TRPC7: variants seen among roughly 807,000 people sequenced by gnomAD.
TRPC7 encodes the protein transient receptor potential cation channel subfamily C member 7, also known as short transient receptor potential channel 7.
TRPC7 carries 42 observed loss-of-function variants against 90.1 expected under a neutral mutation model. The observed-to-expected ratio is 0.47, with a 90% CI of 0.36 to 0.60. TRPC7 has a LOEUF of 0.60. Among genes scored for constraint, TRPC7 ranks in the 20% least tolerant of loss-of-function variants. TRPC7 has a pLI of 0.00. For missense variants in TRPC7, 955 were observed against 1,112.3 expected, an observed-to-expected ratio of 0.86 and a Z score of 2.01; for synonymous variants, 451 against 436.3, an observed-to-expected ratio of 1.03 and a Z score of -0.42.
intron 2 of TRPC7, among the ~76,000 whole-genome samples, chr5:136,342,219 A>AGC (rs1408374462): frequency 2.6e-5 from 4 of 152,198 alleles, no homozygotes; most frequent in African/African-American, 4.8e-5. Context: ...TGGGTCCTGC[A>AGC]TGGTCCCCCC....
chr5:136,305,225 T>C (rs2149833928), intron 3 of TRPC7, among the ~76,000 whole-genome samples: 1 of 152,282 alleles, frequency 6.6e-6, no homozygotes, highest in South Asian at 2.1e-4. Flanking sequence ...CTGATCCACC[T>C]GATATTCACC....
intron 3 of TRPC7, among the ~76,000 whole-genome samples, chr5:136,302,981 G>A (rs942815907): frequency 4.6e-5 from 7 of 151,844 alleles, no homozygotes; most frequent in South Asian, 2.1e-4. Context: ...TAGCCAGGCC[G>A]AGCTAGGTCC....
intron 4 of TRPC7, among the ~76,000 whole-genome samples, chr5:136,268,632 C>T (rs1450315218): frequency 2.0e-5 from 3 of 152,108 alleles, no homozygotes; most frequent in East Asian, 1.9e-4. Flanking sequence ...ATTTAATATT[C>T]GTTTTGTTAC....
chr5:136,236,280 T>C (rs1314694279), intron 7 of TRPC7, among the ~76,000 whole-genome samples: 2 of 152,196 alleles, frequency 1.3e-5, no homozygotes, highest in African/African-American at 2.4e-5. Context: ...CTTCCCAGCA[T>C]ACGTACAGCC....
chr5:136,345,101 A>G (rs1759963841), intron 2 of TRPC7, among the ~76,000 whole-genome samples: 1 of 152,218 alleles, frequency 6.6e-6, no homozygotes, highest in African/African-American at 2.4e-5. Context: ...TACATTAAAT[A>G]TATCAAAAAG....
At chr5:136,306,773 C>G (rs1343903751) in intron 3 of TRPC7, among the ~76,000 whole-genome samples, 2 of 151,890 alleles carry the variant, frequency 1.3e-5, no homozygotes, top group Non-Finnish European at 2.9e-5. Flanking sequence ...TTTGTAATCT[C>G]CCCCACCCTT....
At chr5:136,266,714 G>T (rs1331319020) in intron 4 of TRPC7, among the ~76,000 whole-genome samples, 3 of 152,128 alleles carry the variant, frequency 2.0e-5, no homozygotes, top group African/African-American at 7.2e-5. Context: ...ACATCTGATT[G>T]CACTGATACC....
intron 2 of TRPC7, among the ~76,000 whole-genome samples, chr5:136,334,784 C>T (rs920940417): frequency 6.6e-6 from 1 of 152,184 alleles, no homozygotes; most frequent in Non-Finnish European, 1.5e-5. Flanking sequence ...TACTCTGAGT[C>T]AAGTATCTTA....
At chr5:136,339,151 T>G (rs994553360) in intron 2 of TRPC7, among the ~76,000 whole-genome samples, 4 of 152,226 alleles carry the variant, frequency 2.6e-5, no homozygotes, top group Non-Finnish European at 5.9e-5. Flanking sequence ...ATGTTTCTAT[T>G]ATGTTCCATC....
At chr5:136,337,920 C>A (rs1759716532) in intron 2 of TRPC7, among the ~76,000 whole-genome samples, 1 of 152,044 alleles carries the variant, frequency 6.6e-6, no homozygotes, top group Non-Finnish European at 1.5e-5. Context: ...AGACCTAATC[C>A]CCATCATGCA....
chr5:136,220,996 T>A (rs1161040511), intron 10 of TRPC7, among the ~76,000 whole-genome samples: 1 of 150,030 alleles, frequency 6.7e-6, no homozygotes, highest in Non-Finnish European at 1.5e-5. Context: ...CTATTTCTAT[T>A]CTAGAAATAG....
At chr5:136,217,540 C>T (rs554939212) in intron 10 of TRPC7, among the ~76,000 whole-genome samples, 1 of 152,266 alleles carries the variant, frequency 6.6e-6, no homozygotes, top group African/African-American at 2.4e-5. Context: ...GCTCATGGGC[C>T]AACTGGCTGT....
chr5:136,281,907 A>G (rs1465044847), intron 3 of TRPC7, among the ~76,000 whole-genome samples: 2 of 152,224 alleles, frequency 1.3e-5, no homozygotes, highest in African/African-American at 4.8e-5. Context: ...ATCATGCATC[A>G]AATTTTTAAT....
chr5:136,324,801 A>G (rs1255565118), intron 2 of TRPC7, among the ~76,000 whole-genome samples: 1 of 152,254 alleles, frequency 6.6e-6, no homozygotes. Flanking sequence ...ATCGGTCAAA[A>G]GTTAAATGAA....
At position 136,320,210 on chromosome 5, in the gene TRPC7, C is replaced by G. The variant is rs181026709; in HGVS notation, c.781-4431G>C. On this transcript the variant is annotated intron_variant, in intron 2 of 11. Transcript: ENST00000513104. ...TTGATTGCTACCTTCCTTTCATAAC[C>G]CACATATAATTTGGTAGCAAATCCT... Among the ~76,000 whole-genome samples the G allele has an allele frequency of 1.4e-3, 219 of 152,252 alleles. 2 individuals carry two copies. Among genetic ancestry groups the G allele is most frequent in the Middle Eastern group, 3.4e-3 (1 of 294 alleles).
At chr5:136,237,347 A>AC (rs923449927) in intron 7 of TRPC7, among the ~76,000 whole-genome samples, 35 of 152,276 alleles carry the variant, frequency 2.3e-4, no homozygotes, top group African/African-American at 8.4e-4. Flanking sequence ...GTTTCACTGT[A>AC]CCCCATGCAG....
At chr5:136,339,404 C>G (rs532840057) in intron 2 of TRPC7, among the ~76,000 whole-genome samples, 57 of 152,284 alleles carry the variant, frequency 3.7e-4, no homozygotes, top group Admixed American at 5.9e-4. Flanking sequence ...TAAATTCTAA[C>G]CAGTCATTGT....
intron 1 of TRPC7, among the ~76,000 whole-genome samples, chr5:136,363,915 T>A (rs1760644419): frequency 6.6e-6 from 1 of 152,198 alleles, no homozygotes; most frequent in African/African-American, 2.4e-5. Context: ...TAGCTCCAGG[T>A]GGAGCTGAAA....
chr5:136,357,070 C>T lies in TRPC7; in HGVS notation c.318G>A (p.Val106=), dbSNP rs1440786397. 1.2e-6 allele frequency: 2 copies of T among 1,613,786 alleles called. No individual in the cohort carries two copies. The highest frequency in any genetic ancestry group is 2.2e-5 in the South Asian group (2 of 91,088). ...LLLKKENLAR[V]GDALLLAISK... ...TGATGGCCAGCAGCAGCGCGTCCCC[C>T]ACCCGTGCCAGGTTCTCCTTCTTCA... Residue 106 remains valine, a synonymous_variant, in exon 2 of 12, where the codon GTG becomes GTA. Transcript: ENST00000513104.
Sources: allele counts gnomAD v4.1 joint callset (sites outside exome capture counted in the v4.1 genomes callset), GRCh38; gene constraint gnomAD v4.1.1; transcripts MANE v1.5; gene names NCBI Gene and HGNC (gene_info 2026-07-23, HGNC 2026-07-21).